PRKCB: variants seen among roughly 807,000 people sequenced by gnomAD.
The protein encoded by PRKCB is protein kinase C beta type.
PRKCB carries 13 observed loss-of-function variants against 81.5 expected under a neutral mutation model. The observed-to-expected ratio is 0.16, with a 90% confidence interval of 0.10 to 0.25. PRKCB has a LOEUF of 0.25. Ranked by LOEUF, PRKCB falls within the 10% of genes least tolerant of loss-of-function variation. PRKCB has a pLI of 1.00. For missense variants in PRKCB, 509 were observed against 875.7 expected (o/e 0.58, Z 5.29); for synonymous variants, 335 against 321.4 (o/e 1.04, Z -0.45).
At chr16:24,036,732 C>T (rs1377664554) in intron 5 of PRKCB, among the ~76,000 whole-genome samples, 2 of 152,180 alleles carry the variant, frequency 1.3e-5, no homozygotes, top group Admixed American at 1.3e-4. Flanking sequence ...GGTCGCCTGC[C>T]TCCCAGTGTG....
chr16:23,990,050 T>C (rs921836660), intron 3 of PRKCB, among the ~76,000 whole-genome samples: 1 of 152,150 alleles, frequency 6.6e-6, no homozygotes, highest in African/African-American at 2.4e-5. Flanking sequence ...ATTGCCGACA[T>C]CCTGAGCATG....
chr16:23,902,956 A>G (rs1963505693), intron 2 of PRKCB, among the ~76,000 whole-genome samples: 2 of 149,326 alleles, frequency 1.3e-5, no homozygotes, highest in Admixed American at 1.3e-4. Flanking sequence ...GGCATAAGCC[A>G]TCATGTCTAC....
chr16:24,058,179 C>A (rs1965928397), intron 5 of PRKCB, among the ~76,000 whole-genome samples: 1 of 152,136 alleles, frequency 6.6e-6, no homozygotes, highest in South Asian at 2.1e-4. Flanking sequence ...TCAGTCATCA[C>A]TAAATGTCAC....
At chr16:24,075,137 T>G (rs564599995) in intron 5 of PRKCB, among the ~76,000 whole-genome samples, 3 of 151,250 alleles carry the variant, frequency 2.0e-5, no homozygotes, top group Admixed American at 6.6e-5. Context: ...AAAAAAAAAT[T>G]TAATTAAAGA....
At chr16:23,956,844 T>C (rs1964355544) in intron 2 of PRKCB, among the ~76,000 whole-genome samples, 7 of 152,122 alleles carry the variant, frequency 4.6e-5, no homozygotes, top group Admixed American at 4.6e-4. Flanking sequence ...AAAGGTGACA[T>C]TTTGGATCAG....
At chr16:23,991,845 A>C (rs1466785102) in intron 3 of PRKCB, among the ~76,000 whole-genome samples, 1 of 152,190 alleles carries the variant, frequency 6.6e-6, no homozygotes, top group African/African-American at 2.4e-5. Flanking sequence ...TAGACCATGA[A>C]TCACATATTG....
chr16:24,087,838 G>T (rs1176849066), intron 5 of PRKCB, among the ~76,000 whole-genome samples: 2 of 152,086 alleles, frequency 1.3e-5, no homozygotes, highest in Non-Finnish European at 1.5e-5. Context: ...CAGAGGCCTC[G>T]CTTGCTCCAA....
intron 2 of PRKCB, among the ~76,000 whole-genome samples, chr16:23,986,167 T>G (rs1277804359): frequency 6.6e-6 from 1 of 152,228 alleles, no homozygotes; most frequent in Non-Finnish European, 1.5e-5. Flanking sequence ...GAAGGCTGTT[T>G]GAGGTGTACT....
Position 24,218,161 on chromosome 16 carries a change from T to A in PRKCB, c.*3345T>A. ...GAAATTCTCCAAGAATATTGTTTCT[T>A]GGAGAGAAATAATAAATAAACAAGA... On this transcript the variant is annotated 3_prime_UTR_variant, in exon 17 of 17. Transcript: ENST00000643927. The A allele has an allele frequency of 1.0e-6, 1 of 985,304 alleles. No individual in the cohort carries two copies. The highest frequency in any genetic ancestry group is 1.2e-6 in the Non-Finnish European group (1 of 829,920). The allele number at this position is 985,304 out of a possible 1,614,324, so 61.0% of individuals were successfully genotyped here.
At chr16:24,182,273 C>G (rs141890258) in intron 13 of PRKCB, among the ~76,000 whole-genome samples, 100 of 152,222 alleles carry the variant, frequency 6.6e-4, no homozygotes, top group Non-Finnish European at 1.2e-3. Context: ...AATCTCAGCA[C>G]TTTGGGAGCC....
At chr16:24,149,678 G>T (rs1284684428) in intron 9 of PRKCB, among the ~76,000 whole-genome samples, 1 of 152,196 alleles carries the variant, frequency 6.6e-6, no homozygotes, top group Non-Finnish European at 1.5e-5. Context: ...AGACCCTCAA[G>T]TGATTCTGAC....
In PRKCB at chr16:24,198,614, C is replaced by T. The variant is rs149376718; in HGVS notation, c.1863+7384C>T. Among the ~76,000 whole-genome samples, 11 of 152,338 alleles carry T rather than the reference C, an allele frequency of 7.2e-5. No individual in the cohort carries two copies. The East Asian group carries it at 1.2e-3, about 16-fold the overall frequency. On this transcript the variant is annotated intron_variant, in intron 16 of 16. Transcript: ENST00000643927. The stretch of plus-strand genomic sequence containing the variant: ...CTGCCTCTGAAAGTGCTGGGGGTTA[C>T]AGGCGTGAGCCACTGTGCCTGGCAC...
chr16:24,059,438 G>A (rs546644865), intron 5 of PRKCB, among the ~76,000 whole-genome samples: 2 of 152,118 alleles, frequency 1.3e-5, no homozygotes, highest in South Asian at 4.2e-4. Context: ...CAGAAGGATC[G>A]CTTGAGCCCA....
intron 2 of PRKCB, among the ~76,000 whole-genome samples, chr16:23,847,754 A>G (rs1962405040): frequency 1.3e-5 from 2 of 152,256 alleles, no homozygotes; most frequent in Admixed American, 1.3e-4. Context: ...TAGAACGAAT[A>G]TATTGTATAA....
intron 2 of PRKCB, among the ~76,000 whole-genome samples, chr16:23,886,974 G>A (rs992197983): frequency 3.3e-5 from 5 of 152,192 alleles, no homozygotes; most frequent in African/African-American, 9.6e-5. Context: ...GGCCATGGGC[G>A]TCTTTCCACT....
At chr16:23,961,848 T>G (rs1964430115) in intron 2 of PRKCB, among the ~76,000 whole-genome samples, 1 of 152,098 alleles carries the variant, frequency 6.6e-6, no homozygotes. Flanking sequence ...TTTGGAGCAT[T>G]TCACATTTTG....
intron 1 of PRKCB, 27 bp downstream of exon 1, chr16:23,836,375 C>T: frequency 6.3e-7 from 1 of 1,591,612 alleles, no homozygotes; most frequent in Non-Finnish European, 8.5e-7. Flanking sequence ...AGGGCACCTT[C>T]CCGGGCCCCC....
intron 5 of PRKCB, among the ~76,000 whole-genome samples, chr16:24,053,960 T>C (rs893387368): frequency 1.3e-5 from 2 of 152,190 alleles, no homozygotes; most frequent in African/African-American, 2.4e-5. Context: ...GTAGTTGTAA[T>C]AGTTCCTTTA....
intron 2 of PRKCB, among the ~76,000 whole-genome samples, chr16:23,948,807 G>A (rs754623895): frequency 3.9e-5 from 6 of 152,196 alleles, no homozygotes; most frequent in Admixed American, 3.9e-4. Flanking sequence ...CTTGCTCAAG[G>A]TTCCACTGTC....
Sources: gnomAD v4.1 joint callset for allele counts (sites outside exome capture counted in the v4.1 genomes callset) on GRCh38, gnomAD v4.1.1 for gene constraint, MANE v1.5 for transcripts, NCBI Gene and HGNC (gene_info 2026-07-23, HGNC 2026-07-21) for gene names.